SPAG9: variants seen among roughly 807,000 people sequenced by gnomAD.
The protein encoded by SPAG9 is C-Jun-amino-terminal kinase-interacting protein 4.
Under a neutral mutation model 166.5 loss-of-function variants are expected in SPAG9, and 35 were observed. The observed-to-expected ratio is 0.21, with a 90% confidence interval of 0.16 to 0.28. The LOEUF (loss-of-function observed/expected upper bound fraction) is 0.28. Ranked by LOEUF, SPAG9 falls within the 10% of genes least tolerant of loss-of-function variation. The pLI, the probability that SPAG9 is intolerant of heterozygous loss-of-function variation, is 1.00. For synonymous variants in SPAG9, 534 were observed against 565.5 expected (o/e 0.94, Z 0.79); for missense variants, 1,235 against 1,603.3 (o/e 0.77, Z 3.92).
intron 5 of SPAG9, among the ~76,000 whole-genome samples, chr17:51,036,910 G>A (rs1254643980): frequency 3.3e-5 from 5 of 152,066 alleles, no homozygotes; most frequent in Non-Finnish European, 4.4e-5. Flanking sequence ...TAATAATTAC[G>A]CTTTATAGTA....
Position 51,120,494 on chromosome 17 carries a change from C to A in SPAG9, c.163G>T (p.Val55Leu). The A allele has an allele frequency of 6.2e-7, 1 of 1,614,034 alleles. No homozygotes were observed. Among genetic ancestry groups the A allele is most frequent in the Non-Finnish European group, 8.5e-7 (1 of 1,179,916 alleles). Residue 55 changes from valine to leucine, a missense_variant, in exon 1 of 30, where the codon GTG becomes TTG. Physicochemically the swap from Val to Leu is conservative, Grantham distance 32. Around this residue, in one of 6 missense-constraint regions of SPAG9, gnomAD observed 83 missense variants for 149.8 expected, o/e 0.55. Coordinates refer to ENST00000262013, the MANE Select transcript of SPAG9 (RefSeq NM_001130528.3). The surrounding 1 kb of genome is among the most constrained non-coding windows in gnomAD (Gnocchi z 4.7). ...GAGTCCAGGTTCTCCAGCACAGCCA[C>A]CACCAGCGGCATCAGCTCTTTGACC... ...EVVKELMPLVVAVLENLDSVF... is the reference protein window; with the variant it reads ...EVVKELMPLVLAVLENLDSVF...
intron 29 of SPAG9, among the ~76,000 whole-genome samples, chr17:50,970,017 T>C (rs1567946491): frequency 6.6e-6 from 1 of 152,226 alleles, no homozygotes; most frequent in Non-Finnish European, 1.5e-5. Flanking sequence ...TCAATTAATG[T>C]TTGTTAGGTG....
At chr17:51,001,882 CT>C in intron 12 of SPAG9, 37 bp from the exon 13 acceptor site, 2 of 1,594,120 alleles carry the variant, frequency 1.3e-6, no homozygotes, top group South Asian at 1.1e-5. Flanking sequence ...ATTCTGGAAG[CT>C]TATAAATGTC....
intron 6 of SPAG9, among the ~76,000 whole-genome samples, chr17:51,025,316 C>CA (rs10549685): frequency 0.091 from 5,562 of 60,978 alleles, 1,158 homozygotes; most frequent in Non-Finnish European, 0.13. Context: ...GACTCTGTCT[C>CA]AAAAAAAAAA....
At chr17:51,066,008 G>A (rs2047652240) in intron 2 of SPAG9, among the ~76,000 whole-genome samples, 1 of 152,104 alleles carries the variant, frequency 6.6e-6, no homozygotes, top group Non-Finnish European at 1.5e-5. Flanking sequence ...GTTCGTTATA[G>A]CAACTACAGT....
chr17:51,031,938 G>C (rs1598042428), intron 5 of SPAG9: 2 of 663,306 alleles, frequency 3.0e-6, no homozygotes, highest in East Asian at 5.9e-5. Flanking sequence ...CCACCACTTG[G>C]ATCAGTGTCT....
intron 8 of SPAG9, 187 bp from the exon 9 acceptor site, chr17:51,014,540 G>T: frequency 2.1e-6 from 1 of 486,928 alleles, no homozygotes; most frequent in African/African-American, 2.0e-5. Flanking sequence ...CATGGAAATA[G>T]CTGGTGAAGA....
Position 50,995,553 on chromosome 17 carries a change from G to C in SPAG9, c.1969-20C>G, listed in dbSNP as rs1042303429. 2.0e-6 allele frequency: 3 copies of C among 1,475,456 alleles called. No individual in the cohort carries two copies. In the African/African-American group the frequency reaches 4.2e-5, roughly 20 times the overall value. The allele number at this position is 1,475,456 out of a possible 1,614,324, so 91.4% of individuals were successfully genotyped here. On this transcript the variant is annotated intron_variant, in intron 16 of 29. Transcript: ENST00000262013. Reference sequence around the variant, plus strand: ...GGTTACCTAATAATGGTGGAAGGAGGAGTGAAAAAGGCACATTAGTAAGCC... The same window carrying C: ...GGTTACCTAATAATGGTGGAAGGAGCAGTGAAAAAGGCACATTAGTAAGCC...
rs1357701263 is a variant in SPAG9 at position 51,014,314 on chromosome 17, G to A, written c.1131C>T (p.Arg377=). The A allele has an allele frequency of 1.9e-6, 3 of 1,613,436 alleles. No homozygotes were observed. The highest frequency in any genetic ancestry group is 4.5e-5 in the East Asian group (2 of 44,848). ...TKGIENKAFD[R]NTESLFEELS... ...GTTCTTCAAAGAGAGATTCTGTATT[G>A]CGATCAAAAGCTTTGTTCTCTATGC... Residue 377 remains arginine, a synonymous_variant, in exon 9 of 30, where the codon CGC becomes CGT. Coordinates refer to ENST00000262013, the MANE Select transcript of SPAG9 (RefSeq NM_001130528.3).
chr17:51,086,150 T>C (rs2144666450), intron 1 of SPAG9, among the ~76,000 whole-genome samples: 1 of 151,896 alleles, frequency 6.6e-6, no homozygotes, highest in Admixed American at 6.6e-5. Flanking sequence ...CAGCTAATTT[T>C]TGTATTTTTG....
intron 3 of SPAG9, among the ~76,000 whole-genome samples, chr17:51,050,158 T>G (rs1391598278): frequency 2.0e-5 from 3 of 152,248 alleles, no homozygotes; most frequent in Non-Finnish European, 4.4e-5. Context: ...CCAATGTAAT[T>G]ACAGATATAG....
intron 1 of SPAG9, among the ~76,000 whole-genome samples, chr17:51,111,275 T>C (rs530052383): frequency 6.6e-6 from 1 of 152,358 alleles, no homozygotes; most frequent in South Asian, 2.1e-4. Context: ...AACTGGTCTA[T>C]GCAGATATTT....
rs773751384 is a variant in SPAG9 at position 50,982,665 on chromosome 17, C to T, written c.3096G>A (p.Gln1032=). Residue 1032 remains glutamine (Q), a synonymous_variant, in exon 25 of 30, where the codon CAG becomes CAA. Transcript: ENST00000262013. ...AGAGGTGATAGTTTGACAAATCCCA[C>T]TGCCCATCTTTAAAAAAAATAAAAG... ...LAIFHRGVDG[Q]WDLSNYHLLD... The T allele has an allele frequency of 6.2e-7, 1 of 1,603,594 alleles. No homozygotes were observed.
chr17:51,114,939 G>C (rs2049240679), intron 1 of SPAG9, among the ~76,000 whole-genome samples: 1 of 150,564 alleles, frequency 6.6e-6, no homozygotes, highest in Non-Finnish European at 1.5e-5. Flanking sequence ...GTGACAGAGT[G>C]AGACTCTGTC....
chr17:51,069,234 C>T lies in SPAG9; in HGVS notation c.424+10350G>A, dbSNP rs933561735. ...ATTAAAATATATATATATAAATCTTCGTAATCTACTTTTATCATTCTTAAA... is the reference window on the plus strand; with the variant it reads ...ATTAAAATATATATATATAAATCTTTGTAATCTACTTTTATCATTCTTAAA... On this transcript the variant is annotated intron_variant, in intron 2 of 29. Transcript: ENST00000262013. Among the ~76,000 whole-genome samples, 6 of 151,924 alleles carry T rather than the reference C, an allele frequency of 3.9e-5. No homozygotes were observed. In the East Asian group the frequency reaches 5.8e-4, roughly 15 times the overall value.
intron 1 of SPAG9, among the ~76,000 whole-genome samples, chr17:51,116,571 AG>A (rs2049293638): frequency 1.3e-5 from 2 of 152,078 alleles, no homozygotes; most frequent in Admixed American, 1.3e-4. Context: ...GTTCCAGACC[AG>A]ACTGGGCAAC....
At chr17:51,083,218 G>C (rs560167485) in intron 1 of SPAG9, among the ~76,000 whole-genome samples, 2 of 150,662 alleles carry the variant, frequency 1.3e-5, no homozygotes, top group South Asian at 4.2e-4. Flanking sequence ...GCTTGAGTTG[G>C]TTTTTCTTTT....
chr17:51,011,338 T>C (rs1306415361), intron 9 of SPAG9, among the ~76,000 whole-genome samples: 1 of 149,834 alleles, frequency 6.7e-6, no homozygotes, highest in Non-Finnish European at 1.5e-5. Flanking sequence ...CCATATATAA[T>C]GATTCAAATT....
intron 3 of SPAG9, among the ~76,000 whole-genome samples, chr17:51,051,061 A>AAGGG (rs199528224): frequency 6.7e-6 from 1 of 148,986 alleles, no homozygotes; most frequent in Non-Finnish European, 1.5e-5. Flanking sequence ...AAAAAGAAAG[A>AAGGG]AGGGAGGGAG....
Sources: allele counts gnomAD v4.1 joint callset (sites outside exome capture counted in the v4.1 genomes callset), GRCh38; gene constraint gnomAD v4.1.1; regional missense constraint gnomAD v4.1.1; non-coding constraint Gnocchi (gnomAD v3.1); transcripts MANE v1.5; gene names NCBI Gene and HGNC (gene_info 2026-07-23, HGNC 2026-07-21).